KAZN: variants seen among roughly 807,000 people sequenced by gnomAD.
KAZN encodes the protein kazrin.
In KAZN, 40 loss-of-function variants were observed where a neutral mutation model predicts 87.4. The observed-to-expected ratio is 0.46, with a 90% CI of 0.36 to 0.60. The LOEUF (loss-of-function observed/expected upper bound fraction) is 0.60, where lower values mean the gene tolerates loss of function less well. KAZN is among the 20% of genes least tolerant of loss of function. The pLI is 0.00. For missense variants in KAZN, 898 were observed against 1,073.9 expected, an observed-to-expected ratio of 0.84 and a Z score of 2.29; for synonymous variants, 466 against 458.3, an observed-to-expected ratio of 1.02 and a Z score of -0.22.
intron 2 of KAZN, among the ~76,000 whole-genome samples, chr1:14,399,702 G>A (rs1434258813): frequency 6.6e-6 from 1 of 152,000 alleles, no homozygotes; most frequent in Non-Finnish European, 1.5e-5. Context: ...TCACACCTTG[G>A]AATCTTCCCA....
intron 12 of KAZN, 39 bp downstream of exon 12, chr1:15,103,499 T>C (rs1403368253): frequency 1.5e-6 from 2 of 1,306,902 alleles, no homozygotes; most frequent in Non-Finnish European, 2.2e-6. Context: ...CTCTCGGGCA[T>C]ACACAAACCC....
At chr1:14,979,281 C>T (rs948282374) in intron 2 of KAZN, among the ~76,000 whole-genome samples, 5 of 151,526 alleles carry the variant, frequency 3.3e-5, no homozygotes, top group Admixed American at 2.0e-4. Flanking sequence ...TGGTGGTGGG[C>T]GCCTGTAATC....
intron 2 of KAZN, among the ~76,000 whole-genome samples, chr1:14,409,295 G>A (rs968525409): frequency 6.6e-6 from 1 of 152,274 alleles, no homozygotes; most frequent in East Asian, 1.9e-4. Flanking sequence ...GAAAGGTACA[G>A]AGATTGATGT....
At chr1:14,141,494 T>TA (rs35582496) in intron 1 of KAZN, among the ~76,000 whole-genome samples, 13,920 of 149,744 alleles carry the variant, frequency 0.093, 735 homozygotes, top group Middle Eastern at 0.16. Context: ...TTTACAGTAA[T>TA]AAAAAAAAAA....
intron 1 of KAZN, among the ~76,000 whole-genome samples, chr1:14,090,883 G>A (rs888662946): frequency 5.9e-5 from 9 of 152,114 alleles, no homozygotes; most frequent in Non-Finnish European, 1.2e-4. Context: ...GGAGGCCGCG[G>A]TGGGTGGATC....
chr1:14,171,818 ATATTAT>A (rs1012841075), intron 1 of KAZN, among the ~76,000 whole-genome samples: 7 of 152,182 alleles, frequency 4.6e-5, no homozygotes, highest in Admixed American at 4.6e-4. Context: ...GTTTAGGGTC[ATATTAT>A]TATTATTTCA....
At chr1:14,442,597 C>T (rs1036324460) in intron 2 of KAZN, among the ~76,000 whole-genome samples, 2 of 152,050 alleles carry the variant, frequency 1.3e-5, no homozygotes, top group African/African-American at 4.8e-5. Flanking sequence ...GGGGTGCACC[C>T]GATAGGAAAA....
chr1:15,043,199 T>C (rs765014508), intron 3 of KAZN, among the ~76,000 whole-genome samples: 175 of 152,350 alleles, frequency 1.1e-3, no homozygotes, highest in Non-Finnish European at 2.0e-3. Flanking sequence ...TGGCCGGACC[T>C]TGTGGCAGTC....
At chr1:14,284,882 T>G (rs941875922) in intron 2 of KAZN, among the ~76,000 whole-genome samples, 6 of 152,228 alleles carry the variant, frequency 3.9e-5, no homozygotes, top group African/African-American at 1.4e-4. Context: ...TGGGTCTCTC[T>G]GTTTTACTCT....
intron 1 of KAZN, among the ~76,000 whole-genome samples, chr1:14,694,615 G>T (rs1367586143): frequency 6.6e-6 from 1 of 152,186 alleles, no homozygotes; most frequent in Non-Finnish European, 1.5e-5. Context: ...ATTGGCCAGA[G>T]GAAAGTTGGT....
intron 2 of KAZN, among the ~76,000 whole-genome samples, chr1:14,557,891 A>G (rs1202727526): frequency 1.3e-5 from 2 of 151,028 alleles, no homozygotes; most frequent in Non-Finnish European, 3.0e-5. Context: ...GGTTGACTCC[A>G]AAGTAGAAAA....
chr1:15,105,802 C>T (rs945079047), intron 13 of KAZN, among the ~76,000 whole-genome samples: 5 of 152,154 alleles, frequency 3.3e-5, no homozygotes, highest in Admixed American at 2.6e-4. Flanking sequence ...GAGGCTGACA[C>T]CCAAGCTGTT....
At position 15,076,270 on chromosome 1, in the gene KAZN, T is replaced by G. The variant is rs937825051; in HGVS notation, c.1222+10517T>G. ...TTGAGTGTGTGAGCCAATTCCAAAT[T>G]CCTTGCATCTTTTCACATGTGTGCA... On this transcript the variant is annotated intron_variant, in intron 8 of 14. Transcript: ENST00000376030. Among the ~76,000 whole-genome samples, 4 of 152,134 alleles carry G rather than the reference T, an allele frequency of 2.6e-5. No individual in the cohort carries two copies. In the East Asian group the frequency reaches 5.8e-4, roughly 22 times the overall value.
In KAZN at chr1:14,332,161, G is replaced by A. The variant is rs747282816; in HGVS notation, c.249+151569G>A. On this transcript the variant is annotated intron_variant, in intron 2 of 16. Transcript: ENST00000636203. ...CAGAAATAGGGCCAGGCAGTTTCCC[G>A]ACCCTGGCTCTGGTTCATCAGTTTT... 5.3e-4 allele frequency among the ~76,000 whole-genome samples: 81 copies of A among 152,228 alleles called. No homozygotes were observed. In the Middle Eastern group the frequency reaches 0.01, roughly 19 times the overall value.
At chr1:14,421,010 G>A (rs915560966) in intron 2 of KAZN, among the ~76,000 whole-genome samples, 1 of 152,128 alleles carries the variant, frequency 6.6e-6, no homozygotes, top group Non-Finnish European at 1.5e-5. Flanking sequence ...GGCTCCTCAA[G>A]CGCGGCCAGA....
chr1:14,654,583 G>A (rs1242507718), intron 1 of KAZN, among the ~76,000 whole-genome samples: 1 of 152,044 alleles, frequency 6.6e-6, no homozygotes, highest in Non-Finnish European at 1.5e-5. Context: ...ACATTTCCAG[G>A]TCACACTGTG....
At chr1:14,383,936 C>T (rs1374159091) in intron 2 of KAZN, among the ~76,000 whole-genome samples, 1 of 152,044 alleles carries the variant, frequency 6.6e-6, no homozygotes, top group Non-Finnish European at 1.5e-5. Context: ...ATTGATTCTT[C>T]CTACCCATGA....
At chr1:14,268,121 C>T (rs1416133923) in intron 2 of KAZN, among the ~76,000 whole-genome samples, 1 of 152,152 alleles carries the variant, frequency 6.6e-6, no homozygotes, top group Non-Finnish European at 1.5e-5. Context: ...CAAGCTAAGC[C>T]AATGCAGCTA....
In KAZN at chr1:14,788,677, G is replaced by A. The variant is rs143908340; in HGVS notation, c.227-172007G>A. ...AAGCTTACGACCCAGAGGCCTGACC[G>A]TGGTGACTCTGCTGCTACCGACACT... On this transcript the variant is annotated intron_variant, in intron 1 of 14. Coordinates refer to ENST00000376030, the MANE Select transcript of KAZN (RefSeq NM_201628.3). 4.0e-3 allele frequency among the ~76,000 whole-genome samples: 616 copies of A among 152,232 alleles called. 4 individuals are homozygous for A. The highest frequency in any genetic ancestry group is 5.4e-3 in the Non-Finnish European group (368 of 68,030).
Sources: gnomAD v4.1 joint callset for allele counts (sites outside exome capture counted in the v4.1 genomes callset) on GRCh38, gnomAD v4.1.1 for gene constraint, MANE v1.5 for transcripts, NCBI Gene and HGNC (gene_info 2026-07-23, HGNC 2026-07-21) for gene names.